Variants in WDR48 observed in about 807,000 individuals in gnomAD.
WDR48 encodes WD repeat domain 48.
In WDR48, 22 loss-of-function variants were observed where a neutral mutation model predicts 94.0. The observed-to-expected ratio is 0.23, with a 90% confidence interval of 0.17 to 0.33. The LOEUF is 0.33. Among genes scored for constraint, WDR48 ranks in the 10% least tolerant of loss-of-function variants. The probability of loss-of-function intolerance (pLI) is 1.00; values close to 1 mark genes in which losing one functional copy is unlikely to be tolerated. For missense variants in WDR48, 541 were observed against 813.8 expected (o/e 0.66, Z 4.08); for synonymous variants, 278 against 280.5 (o/e 0.99, Z 0.09).
intron 8 of WDR48, 63 bp downstream of exon 8, chr3:39,075,013 A>T: frequency 6.7e-7 from 1 of 1,503,126 alleles, no homozygotes; most frequent in Non-Finnish European, 9.1e-7. Context: ...AGCCAAATAG[A>T]GCAAAAGCTA....
intron 11 of WDR48, among the ~76,000 whole-genome samples, chr3:39,082,922 C>CT (rs2034612931): frequency 6.6e-6 from 1 of 152,100 alleles, no homozygotes; most frequent in East Asian, 1.9e-4. Context: ...TGAGAAGAAA[C>CT]TAAGTCATCA....
At chr3:39,073,539 A>G (rs1282032128) in intron 7 of WDR48, among the ~76,000 whole-genome samples, 3 of 152,162 alleles carry the variant, frequency 2.0e-5, no homozygotes, top group Non-Finnish European at 4.4e-5. Context: ...TTCATACTCC[A>G]GCACCAGCAA....
intron 18 of WDR48, 24 bp downstream of exon 18, chr3:39,094,090 C>T: frequency 6.3e-7 from 1 of 1,594,046 alleles, no homozygotes; most frequent in South Asian, 1.1e-5. Flanking sequence ...AGGACTACAG[C>T]CCCAATTTTT....
intron 7 of WDR48, among the ~76,000 whole-genome samples, chr3:39,072,201 G>C (rs942607889): frequency 6.6e-6 from 1 of 152,204 alleles, no homozygotes; most frequent in African/African-American, 2.4e-5. Context: ...CTCCCTAAGG[G>C]AGTTCTGCCT....
At chr3:39,052,524 A>G (rs990543952) in intron 1 of WDR48, 5 of 172,464 alleles carry the variant, frequency 2.9e-5, no homozygotes, top group East Asian at 3.7e-4. Context: ...CGGAGCGCCA[A>G]CGGCCCTGCG....
chr3:39,096,399 A>G lies in WDR48; in HGVS notation c.*1656A>G, dbSNP rs898351175. 6.6e-6 allele frequency: 1 copy of G among 152,120 alleles called. No individual in the cohort carries two copies. The highest frequency in any genetic ancestry group is 2.4e-5 in the African/African-American group (1 of 41,406). 9.4% of individuals were successfully genotyped at this position (152,120 alleles called of 1,614,324 possible). A position where few individuals can be genotyped will look rare whatever the true frequency, so the allele number is the denominator to read the frequency against. ...TTGTGAATTAATGGCAAAGAAAAAA[A>G]AAATTATTTACCAGCCCTCAGTTGT... On this transcript the variant is annotated 3_prime_UTR_variant, in exon 19 of 19. Transcript: ENST00000302313.
chr3:39,052,921 A>G (rs1359942781), intron 1 of WDR48, among the ~76,000 whole-genome samples: 1 of 152,204 alleles, frequency 6.6e-6, no homozygotes, highest in Non-Finnish European at 1.5e-5. Context: ...TACCTAATGT[A>G]AATGACGAGT....
intron 9 of WDR48, 151 bp from the exon 10 acceptor site, chr3:39,077,986 A>C (rs567934656): frequency 9.1e-5 from 53 of 584,734 alleles, no homozygotes; most frequent in Non-Finnish European, 1.3e-4. Context: ...GATGATAGAT[A>C]ATTGTACTGT....
intron 3 of WDR48, 63 bp from the exon 4 acceptor site, chr3:39,066,485 G>A: frequency 1.5e-6 from 2 of 1,354,048 alleles, no homozygotes; most frequent in Non-Finnish European, 2.1e-6. Flanking sequence ...ATTGTTGTAA[G>A]ATAAGTTTTC....
Position 39,078,195 on chromosome 3 carries a change from A to G in WDR48, c.1031A>G (p.Asn344Ser), listed in dbSNP as rs1442063717. The G allele has an allele frequency of 6.2e-7, 1 of 1,613,376 alleles. No individual in the cohort carries two copies. The highest frequency in any genetic ancestry group is 2.2e-5 in the East Asian group (1 of 44,796). ...ASGDYDNDCTNPITPLCTQPD... is the reference protein window; with the variant it reads ...ASGDYDNDCTSPITPLCTQPD... The stretch of plus-strand genomic sequence containing the variant: ...GGAGATTATGACAATGACTGTACAA[A>G]TCCTATAACACCTCTTTGTACACAA... Residue 344 changes from asparagine (N) to serine (S), a missense_variant, in exon 10 of 19, where the codon AAT becomes AGT. Coordinates refer to ENST00000302313, the MANE Select transcript of WDR48 (RefSeq NM_020839.4).
intron 7 of WDR48, 148 bp downstream of exon 7, chr3:39,069,892 T>C (rs2033833116): frequency 1.1e-5 from 6 of 568,642 alleles, no homozygotes; most frequent in Non-Finnish European, 1.8e-5. Context: ...ATTGCACATA[T>C]AAGCTACATT....
At chr3:39,076,399 G>A (rs2034225807) in intron 8 of WDR48, among the ~76,000 whole-genome samples, 1 of 152,222 alleles carries the variant, frequency 6.6e-6, no homozygotes, top group African/African-American at 2.4e-5. Flanking sequence ...TGCATTATGA[G>A]TTCTGCAGCT....
chr3:39,088,295 G>A (rs1408907772), intron 15 of WDR48, 62 bp downstream of exon 15: 5 of 1,484,388 alleles, frequency 3.4e-6, no homozygotes, highest in East Asian at 2.3e-5. Context: ...AAGAAGTGTC[G>A]ACTCAAACTC....
intron 5 of WDR48, 125 bp downstream of exon 5, chr3:39,067,000 C>T (rs1575403792): frequency 8.8e-7 from 1 of 1,133,898 alleles, no homozygotes; most frequent in Non-Finnish European, 1.2e-6. Flanking sequence ...GTGCTTCTAC[C>T]TACAGCGTTC....
At chr3:39,088,504 A>T (rs73066290) in intron 15 of WDR48, among the ~76,000 whole-genome samples, 15,783 of 152,180 alleles carry the variant, frequency 0.1, 1,040 homozygotes, top group East Asian at 0.21. Context: ...GGTAATTCTC[A>T]CTTTCCTTCA....
chr3:39,074,700 C>A, intron 7 of WDR48, 26 bp from the exon 8 acceptor site: 1 of 1,609,902 alleles, frequency 6.2e-7, no homozygotes, highest in South Asian at 1.1e-5. Context: ...GTGGCAAGTT[C>A]TAACTTTGCC....
chr3:39,088,375 C>T, intron 15 of WDR48, 142 bp downstream of exon 15: 1 of 755,972 alleles, frequency 1.3e-6, no homozygotes, highest in Non-Finnish European at 2.1e-6. Flanking sequence ...CATCCCATGT[C>T]CATGAGATAG....
chr3:39,054,728 A>G (rs2032742161), intron 1 of WDR48, among the ~76,000 whole-genome samples: 1 of 152,250 alleles, frequency 6.6e-6, no homozygotes, highest in South Asian at 2.1e-4. Context: ...TGGCTCATTT[A>G]TAAAGAAAAG....
chr3:39,090,410 C>T (rs2125684039), intron 16 of WDR48: 1 of 152,176 alleles, frequency 6.6e-6, no homozygotes, highest in Admixed American at 6.5e-5. Context: ...TTCCTTTTGC[C>T]AGGTGAAAAG....
Sources: gnomAD v4.1 joint callset for allele counts (sites outside exome capture counted in the v4.1 genomes callset) on GRCh38, gnomAD v4.1.1 for gene constraint, MANE v1.5 for transcripts, NCBI Gene and HGNC (gene_info 2026-07-23, HGNC 2026-07-21) for gene names.